SRSF3: variants seen among roughly 807,000 people sequenced by gnomAD.
The protein encoded by SRSF3 is serine/arginine-rich splicing factor 3.
For missense variants in SRSF3, 58 were observed against 217.1 expected, an observed-to-expected ratio of 0.27 and a Z score of 4.61; for synonymous variants, 87 against 73.6, an observed-to-expected ratio of 1.18 and a Z score of -0.93.
rs1224263362 is a variant in SRSF3 at position 36,605,153 on chromosome 6, T to C, written c.*3164T>C. On this transcript the variant is annotated 3_prime_UTR_variant, in exon 6 of 6. Transcript: ENST00000373715. Reference sequence around the variant, plus strand: ...GGGGGATTCATCGGGTACCTGAAGATAATTCAGCTGTAGACCCCTTAAGGT... The same window carrying C: ...GGGGGATTCATCGGGTACCTGAAGACAATTCAGCTGTAGACCCCTTAAGGT... 1 of 152,194 alleles carries C rather than the reference T, an allele frequency of 6.6e-6. No individual in the cohort carries two copies. The highest frequency in any genetic ancestry group is 1.9e-4 in the East Asian group (1 of 5,206). 9.4% of individuals were successfully genotyped at this position (152,194 alleles called of 1,614,324 possible). A position where few individuals can be genotyped will look rare whatever the true frequency, so the allele number is the denominator to read the frequency against.
intron 5 of SRSF3, 47 bp from the exon 6 acceptor site, chr6:36,601,915 A>C: frequency 6.3e-7 from 1 of 1,582,554 alleles, no homozygotes; most frequent in Non-Finnish European, 8.5e-7. Context: ...AGTGTCACCA[A>C]GTTACAGATG....
At chr6:36,599,644 C>G (rs1247730383) in intron 3 of SRSF3, 1 of 433,344 alleles carries the variant, frequency 2.3e-6, no homozygotes, top group African/African-American at 2.0e-5. Flanking sequence ...TGGAGTCCTT[C>G]TAGGAGACAG....
At chr6:36,600,090 A>C (rs1778690362) in intron 3 of SRSF3, 1 of 1,167,966 alleles carries the variant, frequency 8.6e-7, no homozygotes, top group Non-Finnish European at 1.1e-6. Context: ...TTATTTACCA[A>C]ATGTCTTCAC....
rs752335860 is a variant in SRSF3 at position 36,601,699 on chromosome 6, C to T, written c.381-9C>T. ...CCTCATTGGTCCTAATGTTTTTTTG[C>T]TTGTTTAGGTCCCTTTCTAGAGATA... On this transcript the variant is annotated splice_polypyrimidine_tract_variant and intron_variant, in intron 4 of 5. Transcript: ENST00000373715. 4.4e-6 allele frequency: 7 copies of T among 1,583,036 alleles called. No homozygotes were observed. Among genetic ancestry groups the T allele is most frequent in the South Asian group, 3.4e-5 (3 of 88,616 alleles).
At chr6:36,601,265 C>A in intron 4 of SRSF3, 75 bp downstream of exon 4, 1 of 1,490,788 alleles carries the variant, frequency 6.7e-7, no homozygotes, top group Non-Finnish European at 9.3e-7. Flanking sequence ...TTCCAGGTGG[C>A]TTAGTTAATG....
rs1377638190 is a variant in SRSF3, at chr6:36,604,014, A to T, written c.*2025A>T. On this transcript the variant is annotated 3_prime_UTR_variant, in exon 6 of 6. Transcript: ENST00000373715. ...ACAGTCCCAGTTGGCAGTTACTTTAACCAGGAGCCCTAGCATAACCTCAAG... is the reference window on the plus strand; with the variant it reads ...ACAGTCCCAGTTGGCAGTTACTTTATCCAGGAGCCCTAGCATAACCTCAAG... 2.2e-5 allele frequency: 5 copies of T among 230,476 alleles called. No individual in the cohort carries two copies. Among genetic ancestry groups the T allele is most frequent in the Admixed American group, 5.7e-5 (1 of 17,694 alleles). 14.3% of individuals were successfully genotyped at this position (230,476 alleles called of 1,614,324 possible).
At chr6:36,599,800 TAA>T in intron 3 of SRSF3, 1 of 1,348,888 alleles carries the variant, frequency 7.4e-7, no homozygotes, top group Non-Finnish European at 9.8e-7. Flanking sequence ...CATCTATTAA[TAA>T]AAATGAACCC....
At chr6:36,595,870 C>T (rs73408327) in intron 1 of SRSF3, among the ~76,000 whole-genome samples, 1 of 152,118 alleles carries the variant, frequency 6.6e-6, no homozygotes, top group Admixed American at 6.6e-5. Context: ...ACATTTGATA[C>T]TAGCCTTGTT....
At chr6:36,600,596 T>A (rs1252910179) in intron 3 of SRSF3, 1 of 152,730 alleles carries the variant, frequency 6.5e-6, no homozygotes, top group Non-Finnish European at 1.5e-5. Context: ...ATTTTGGGGT[T>A]GAAGTGTGGG....
At chr6:36,600,630 G>A (rs1778695720) in intron 3 of SRSF3, 1 of 152,904 alleles carries the variant, frequency 6.5e-6, no homozygotes, top group Non-Finnish European at 1.5e-5. Flanking sequence ...ATTTTGGTAA[G>A]CCTAAACACA....
Position 36,596,937 on chromosome 6 carries a change from G to A in SRSF3, c.175G>A (p.Ala59Thr). Residue 59 changes from alanine to threonine, a missense_variant, in exon 2 of 6, where the codon GCA becomes ACA. By Grantham distance (58) the Ala-to-Thr change is moderately conservative. Transcript: ENST00000373715. Reference sequence around the variant, plus strand: ...TGTTGAATTTGAAGATCCCCGAGATGCAGCTGATGCAGTCCGAGAGCTAGA... The same window carrying A: ...TGTTGAATTTGAAGATCCCCGAGATACAGCTGATGCAGTCCGAGAGCTAGA... ...AFVEFEDPRDAADAVRELDGR... is the reference protein window; with the variant it reads ...AFVEFEDPRDTADAVRELDGR... 6.2e-7 allele frequency: 1 copy of A among 1,614,080 alleles called. No individual in the cohort carries two copies. The highest frequency in any genetic ancestry group is 8.5e-7 in the Non-Finnish European group (1 of 1,180,024).
At chr6:36,597,109 T>C in intron 2 of SRSF3, 141 bp downstream of exon 2, 1 of 754,716 alleles carries the variant, frequency 1.3e-6, no homozygotes, top group South Asian at 1.9e-5. Flanking sequence ...TTTTTTTTTT[T>C]TTTTTTTTTG....
chr6:36,600,909 G>T, intron 3 of SRSF3: 1 of 408,400 alleles, frequency 2.4e-6, no homozygotes, highest in South Asian at 4.2e-5. Flanking sequence ...AGCATTCTTT[G>T]TTAAAGTGAA....
chr6:36,601,911 A>G (rs755971911), intron 5 of SRSF3, 51 bp from the exon 6 acceptor site: 2 of 1,582,298 alleles, frequency 1.3e-6, no homozygotes, highest in Non-Finnish European at 8.5e-7. Context: ...CTAAAGTGTC[A>G]CCAAGTTACA....
intron 3 of SRSF3, 160 bp from the exon 4 acceptor site, chr6:36,600,992 C>CTTTTTTTTA (rs1169887735): frequency 5.9e-6 from 2 of 340,132 alleles, no homozygotes; most frequent in East Asian, 5.5e-5. Context: ...TTTTTCTTTT[C>CTTTTTTTTA]TTTTTTTTCT....
intron 2 of SRSF3, 165 bp downstream of exon 2, chr6:36,597,133 T>C (rs1027562430): frequency 3.2e-6 from 2 of 621,028 alleles, no homozygotes; most frequent in Non-Finnish European, 5.3e-6. Context: ...GGGAGACGAG[T>C]CTTGCACTGT....
chr6:36,598,019 A>G (rs971382746), intron 2 of SRSF3, among the ~76,000 whole-genome samples: 2 of 151,970 alleles, frequency 1.3e-5, no homozygotes, highest in African/African-American at 4.8e-5. Flanking sequence ...TTCTGTGCTG[A>G]CTGTTGAGGG....
intron 5 of SRSF3, 83 bp from the exon 6 acceptor site, chr6:36,601,879 A>G: frequency 3.1e-6 from 5 of 1,593,030 alleles, no homozygotes; most frequent in East Asian, 4.5e-5. Flanking sequence ...TTTTTACCTT[A>G]AAGTTCTATT....
chr6:36,595,612 T>C (rs763007230), intron 1 of SRSF3, among the ~76,000 whole-genome samples: 5 of 152,222 alleles, frequency 3.3e-5, no homozygotes, highest in Non-Finnish European at 7.3e-5. Flanking sequence ...GTCTGGCTTC[T>C]TTAACTTAGC....
Sources: allele counts gnomAD v4.1 joint callset (sites outside exome capture counted in the v4.1 genomes callset), GRCh38; gene constraint gnomAD v4.1.1; transcripts MANE v1.5; gene names NCBI Gene and HGNC (gene_info 2026-07-23, HGNC 2026-07-21).